Variants in LGR6 observed in about 807,000 individuals in gnomAD.
LGR6 encodes the protein leucine rich repeat containing G protein-coupled receptor 6.
A neutral mutation model predicts 69.4 loss-of-function variants in LGR6; 45 were observed. That is an observed-to-expected ratio of 0.65 (90% CI 0.51 to 0.83). LGR6 has a LOEUF of 0.83. Ranked by LOEUF, LGR6 falls within the 40% of genes least tolerant of loss-of-function variation. The probability of loss-of-function intolerance (pLI) is 0.00; values close to 1 mark genes in which losing one functional copy is unlikely to be tolerated. For missense variants in LGR6, 1,108 were observed against 1,246.7 expected (o/e 0.89, Z 1.68); for synonymous variants, 538 against 555.0 (o/e 0.97, Z 0.43).
intron 16 of LGR6, among the ~76,000 whole-genome samples, chr1:202,312,312 G>T (rs1012308366): frequency 2.6e-4 from 39 of 152,232 alleles, no homozygotes; most frequent in African/African-American, 9.2e-4. Flanking sequence ...TTCACCCCTT[G>T]TGTTTCATTC....
At chr1:202,317,348 T>G (rs111461289) in intron 17 of LGR6, among the ~76,000 whole-genome samples, 1 of 147,764 alleles carries the variant, frequency 6.8e-6, no homozygotes, top group African/African-American at 2.5e-5. Flanking sequence ...TGTTTTTTTT[T>G]TGTTTTTTTG....
At chr1:202,315,322 TAC>T (rs764025041) in intron 17 of LGR6, among the ~76,000 whole-genome samples, 3 of 152,200 alleles carry the variant, frequency 2.0e-5, no homozygotes, top group Admixed American at 6.5e-5. Context: ...CCAGGAAGAT[TAC>T]AGTCTCTGTT....
At chr1:202,203,753 T>C in intron 1 of LGR6, 1 of 1,584,568 alleles carries the variant, frequency 6.3e-7, no homozygotes, top group South Asian at 1.1e-5. Context: ...TGTGTCTAAC[T>C]GATGCTCCTA....
At chr1:202,196,958 G>A (rs191759550) in intron 1 of LGR6, 1 of 514,018 alleles carries the variant, frequency 1.9e-6, no homozygotes, top group East Asian at 5.6e-5. Flanking sequence ...GGGAGGGAGA[G>A]TGGGGACTTA....
At chr1:202,275,935 C>T (rs1665509901) in intron 4 of LGR6, among the ~76,000 whole-genome samples, 1 of 152,064 alleles carries the variant, frequency 6.6e-6, no homozygotes, top group South Asian at 2.1e-4. Flanking sequence ...TGGGTTCAGC[C>T]TTGGGTCTGA....
Position 202,276,419 on chromosome 1 carries a change from C to A in LGR6, c.542C>A (p.Ala181Asp), listed in dbSNP as rs917085995. The change falls in exon 5 of 18, where the codon GCC becomes GAC. Residue 181 changes from alanine to aspartate, a missense_variant. Ala to Asp is a moderately radical substitution (Grantham distance 126). Coordinates refer to ENST00000367278, the MANE Select transcript of LGR6 (RefSeq NM_001017403.2). ...DNALTEIPVR[A>D]LNNLPALQAM... ...GCACTCACGGAGATCCCTGTCAGGGCCCTCAACAACCTCCCTGCCCTGCAG... is the reference window on the plus strand; with the variant it reads ...GCACTCACGGAGATCCCTGTCAGGGACCTCAACAACCTCCCTGCCCTGCAG... 3 of 1,614,012 alleles carry A rather than the reference C, an allele frequency of 1.9e-6. No homozygotes were observed. The highest frequency in any genetic ancestry group is 2.5e-6 in the Non-Finnish European group (3 of 1,179,982).
At chr1:202,238,212 T>C (rs1343283857) in intron 4 of LGR6, among the ~76,000 whole-genome samples, 6 of 151,766 alleles carry the variant, frequency 4.0e-5, no homozygotes, top group Admixed American at 6.6e-5. Context: ...CCCCTCACCT[T>C]AGCCTCCTGA....
intron 4 of LGR6, among the ~76,000 whole-genome samples, chr1:202,254,754 G>A (rs938195709): frequency 3.9e-5 from 6 of 152,168 alleles, no homozygotes; most frequent in Non-Finnish European, 8.8e-5. Flanking sequence ...AGTTTTGAAG[G>A]TAGAATAGGA....
intron 4 of LGR6, among the ~76,000 whole-genome samples, chr1:202,264,804 C>T (rs1664512591): frequency 5.3e-5 from 8 of 152,168 alleles, no homozygotes; most frequent in Admixed American, 5.2e-4. Context: ...GAGGAATGCT[C>T]AGGTATCATC....
intron 4 of LGR6, among the ~76,000 whole-genome samples, chr1:202,263,683 G>C (rs1056470171): frequency 6.6e-6 from 1 of 152,178 alleles, no homozygotes; most frequent in African/African-American, 2.4e-5. Context: ...GTGAGGTTAG[G>C]TCAGAAGGCT....
intron 9 of LGR6, among the ~76,000 whole-genome samples, chr1:202,301,437 C>G (rs909486233): frequency 6.6e-6 from 1 of 152,212 alleles, no homozygotes; most frequent in African/African-American, 2.4e-5. Flanking sequence ...CCTCCACCTC[C>G]CTGAACTGTG....
intron 9 of LGR6, among the ~76,000 whole-genome samples, chr1:202,303,033 G>C (rs1199628115): frequency 6.6e-6 from 1 of 152,140 alleles, no homozygotes. Flanking sequence ...CGTGAATGCT[G>C]AGGTTACCCA....
chr1:202,247,049 C>G (rs1218035230), intron 4 of LGR6, among the ~76,000 whole-genome samples: 1 of 152,208 alleles, frequency 6.6e-6, no homozygotes, highest in Non-Finnish European at 1.5e-5. Context: ...GGCTGTCTAC[C>G]TCACAGCACT....
intron 6 of LGR6, among the ~76,000 whole-genome samples, chr1:202,284,058 T>G (rs969436245): frequency 1.8e-4 from 28 of 152,310 alleles, no homozygotes; most frequent in African/African-American, 6.7e-4. Context: ...CCAAGTCATT[T>G]GGGCAGGGTT....
chr1:202,246,251 C>T (rs1351911290), intron 4 of LGR6, among the ~76,000 whole-genome samples: 1 of 11,998 alleles, frequency 8.3e-5, no homozygotes, highest in Non-Finnish European at 1.7e-4. Context: ...CATCCCCCAT[C>T]CCTCCATCCA....
rs1312338310 is a variant in LGR6 at position 202,193,904 on chromosome 1, C to T, written c.-86C>T. 24 of 909,720 alleles carry T rather than the reference C, an allele frequency of 2.6e-5. No individual in the cohort carries two copies. The highest frequency in any genetic ancestry group is 3.5e-5 in the Non-Finnish European group (24 of 694,522). The allele number at this position is 909,720 out of a possible 1,614,324, so 56.4% of individuals were successfully genotyped here. On this transcript the variant is annotated 5_prime_UTR_variant, in exon 1 of 18. Coordinates refer to ENST00000367278, the MANE Select transcript of LGR6 (RefSeq NM_001017403.2). ...GGCGGTCCCCACCGACGGTGCAGCC[C>T]GCCGGGACCGGGAGGAAGCAGCTGC...
intron 9 of LGR6, among the ~76,000 whole-genome samples, chr1:202,302,011 C>T (rs1354762453): frequency 6.6e-6 from 1 of 151,970 alleles, no homozygotes; most frequent in Non-Finnish European, 1.5e-5. Flanking sequence ...AAGAATGAAA[C>T]TCCGTCTCAA....
intron 11 of LGR6, 72 bp from the exon 12 acceptor site, chr1:202,305,612 A>G (rs1450364517): frequency 7.6e-7 from 1 of 1,313,212 alleles, no homozygotes; most frequent in Non-Finnish European, 1.1e-6. Flanking sequence ...TCCTGGCTAG[A>G]GCCCCCCGTC....
intron 1 of LGR6, among the ~76,000 whole-genome samples, chr1:202,218,789 G>T (rs1032799195): frequency 6.6e-6 from 1 of 152,174 alleles, no homozygotes; most frequent in African/African-American, 2.4e-5. Context: ...AGTGTCTGTT[G>T]TACTCTCCAG....
Sources: allele counts gnomAD v4.1 joint callset (sites outside exome capture counted in the v4.1 genomes callset), GRCh38; gene constraint gnomAD v4.1.1; transcripts MANE v1.5; gene names NCBI Gene and HGNC (gene_info 2026-07-23, HGNC 2026-07-21).